The following SLC25A48 variants were observed in gnomAD, a reference collection of about 807,000 sequenced individuals.
The protein encoded by SLC25A48 is CTC-321K16.1.
A neutral mutation model predicts 32.2 loss-of-function variants in SLC25A48; 29 were observed. That is an observed-to-expected ratio of 0.90 (90% CI 0.67 to 1.23). The LOEUF (loss-of-function observed/expected upper bound fraction) is 1.23, where lower values mean the gene tolerates loss of function less well. Ranked by LOEUF, SLC25A48 falls within the 50% of genes most tolerant of loss-of-function variation. The probability of loss-of-function intolerance (pLI) is 0.00; values close to 1 mark genes in which losing one functional copy is unlikely to be tolerated. For missense variants in SLC25A48, 399 were observed against 422.7 expected, an observed-to-expected ratio of 0.94 and a Z score of 0.49; for synonymous variants, 164 against 172.3, an observed-to-expected ratio of 0.95 and a Z score of 0.38.
chr5:135,749,096 T>C (rs1755709528), intron 3 of SLC25A48, among the ~76,000 whole-genome samples: 1 of 152,122 alleles, frequency 6.6e-6, no homozygotes, highest in African/African-American at 2.4e-5. Context: ...GGGCTCCTCC[T>C]AGCTGTTTCC....
intron 4 of SLC25A48, among the ~76,000 whole-genome samples, chr5:135,854,178 A>G (rs1363527289): frequency 6.6e-6 from 1 of 152,180 alleles, no homozygotes; most frequent in East Asian, 1.9e-4. Context: ...GAGCAGATTG[A>G]TTGTCATTCT....
chr5:135,721,636 A>G (rs1171004901), intron 3 of SLC25A48, among the ~76,000 whole-genome samples: 1 of 152,206 alleles, frequency 6.6e-6, no homozygotes, highest in African/African-American at 2.4e-5. Context: ...TGAGCACTGC[A>G]TAATTGAAAT....
At chr5:135,786,037 C>G (rs1204898753) in intron 3 of SLC25A48, among the ~76,000 whole-genome samples, 1 of 151,078 alleles carries the variant, frequency 6.6e-6, no homozygotes, top group Non-Finnish European at 1.5e-5. Context: ...TATTTCTCCC[C>G]GTGGGGCTGG....
At chr5:135,839,340 A>G (rs769500382) in intron 1 of SLC25A48, among the ~76,000 whole-genome samples, 15 of 152,184 alleles carry the variant, frequency 9.9e-5, no homozygotes, top group Non-Finnish European at 2.2e-4. Context: ...AAAGGAGATC[A>G]TTTCAGAGCT....
intron 4 of SLC25A48, among the ~76,000 whole-genome samples, chr5:135,819,784 C>A (rs1288572149): frequency 6.6e-6 from 1 of 151,734 alleles, no homozygotes; most frequent in Non-Finnish European, 1.5e-5. Context: ...AGATGTAAAC[C>A]CTTAAATGAA....
At chr5:135,603,742 G>GAA (rs1194170041) in intron 1 of SLC25A48, among the ~76,000 whole-genome samples, 1 of 152,234 alleles carries the variant, frequency 6.6e-6, no homozygotes, top group African/African-American at 2.4e-5. Flanking sequence ...GTTGAAAGGA[G>GAA]AAGGCGTTCC....
chr5:135,832,819 T>C (rs1350522322), upstream of SLC25A48, among the ~76,000 whole-genome samples: 1 of 152,144 alleles, frequency 6.6e-6, no homozygotes, highest in Non-Finnish European at 1.5e-5. Flanking sequence ...AGGTCATCAT[T>C]GGGGAAGGAA....
intron 3 of SLC25A48, among the ~76,000 whole-genome samples, chr5:135,654,680 T>G (rs1753200499): frequency 6.6e-6 from 1 of 152,248 alleles, no homozygotes; most frequent in Non-Finnish European, 1.5e-5. Context: ...AATCTAGATG[T>G]GATTAACATC....
At chr5:135,636,970 C>T (rs1157494185) in intron 3 of SLC25A48, among the ~76,000 whole-genome samples, 1 of 136,050 alleles carries the variant, frequency 7.4e-6, no homozygotes, top group African/African-American at 2.6e-5. Context: ...GAGTGGGTAT[C>T]CGTTACGAGT....
intron 4 of SLC25A48, among the ~76,000 whole-genome samples, chr5:135,854,888 C>A (rs867017146): frequency 6.6e-6 from 1 of 152,200 alleles, no homozygotes; most frequent in Non-Finnish European, 1.5e-5. Context: ...TAAAGTGAGA[C>A]ATCTATGAGT....
intron 4 of SLC25A48, among the ~76,000 whole-genome samples, chr5:135,814,774 C>T (rs906741637): frequency 5.9e-5 from 9 of 152,228 alleles, no homozygotes; most frequent in African/African-American, 2.2e-4. Context: ...GTTCCTGGTG[C>T]TGATTCCCAC....
At chr5:135,596,391 C>T (rs1751651882) in intron 1 of SLC25A48, among the ~76,000 whole-genome samples, 1 of 152,194 alleles carries the variant, frequency 6.6e-6, no homozygotes, top group Non-Finnish European at 1.5e-5. Context: ...TGACTTCACT[C>T]ATGGGCCAAG....
chr5:135,674,268 A>T (rs1181801109), intron 3 of SLC25A48, among the ~76,000 whole-genome samples: 2 of 151,946 alleles, frequency 1.3e-5, no homozygotes, highest in African/African-American at 2.4e-5. Flanking sequence ...TATCATTTCT[A>T]TGTGTTGGGA....
At chr5:135,789,133 AT>A (rs1756941616) in intron 3 of SLC25A48, among the ~76,000 whole-genome samples, 1 of 40,476 alleles carries the variant, frequency 2.5e-5, no homozygotes, top group Non-Finnish European at 8.9e-5. Flanking sequence ...CATCCCTGTG[AT>A]ATGGTTCGTA....
intron 1 of SLC25A48, among the ~76,000 whole-genome samples, chr5:135,841,695 T>C (rs1221254560): frequency 2.0e-5 from 3 of 146,394 alleles, no homozygotes; most frequent in Admixed American, 6.8e-5. Context: ...GAGGAGTCAC[T>C]AGGAGATGTG....
At chr5:135,596,108 A>G (rs1305416948) in intron 1 of SLC25A48, among the ~76,000 whole-genome samples, 1 of 152,218 alleles carries the variant, frequency 6.6e-6, no homozygotes, top group Non-Finnish European at 1.5e-5. Flanking sequence ...GTGAATTATT[A>G]TTGATAGCCA....
intron 3 of SLC25A48, among the ~76,000 whole-genome samples, chr5:135,762,128 G>C (rs996572974): frequency 4.6e-5 from 7 of 152,238 alleles, no homozygotes; most frequent in Admixed American, 1.3e-4. Flanking sequence ...GCCACATGTG[G>C]CTACTGAGCA....
chr5:135,861,288 G>A (rs1221715104), intron 4 of SLC25A48, among the ~76,000 whole-genome samples: 3 of 150,568 alleles, frequency 2.0e-5, no homozygotes, highest in Admixed American at 6.6e-5. Flanking sequence ...TAAAATGGAT[G>A]TGCACTAGTC....
In SLC25A48 at chr5:135,693,089, C is replaced by CT. The variant is rs1347994850; in HGVS notation, c.-521+58135dup. On this transcript the variant is annotated intron_variant, in intron 3 of 10. Coordinates refer to the SLC25A48 transcript ENST00000646290. ...GTTCCATCATTCAGTGTACTTTTTCCTTGTTTGATTCTATTTGTGAGTGGA... is the reference window on the plus strand; with the variant it reads ...GTTCCATCATTCAGTGTACTTTTTCCTTTGTTTGATTCTATTTGTGAGTGGA... Among the ~76,000 whole-genome samples the CT allele has an allele frequency of 3.3e-5, 5 of 152,186 alleles. 1 individual carries two copies. The highest frequency in any genetic ancestry group is 1.2e-4 in the African/African-American group (5 of 41,522).
Sources: gnomAD v4.1 joint callset for allele counts (sites outside exome capture counted in the v4.1 genomes callset) on GRCh38, gnomAD v4.1.1 for gene constraint, MANE v1.5 for transcripts, NCBI Gene and HGNC (gene_info 2026-07-23, HGNC 2026-07-21) for gene names.